Variants in EYA1 observed in about 807,000 individuals in gnomAD.
The protein encoded by EYA1 is EYA transcriptional coactivator and phosphatase 1.
Under a neutral mutation model 82.0 loss-of-function variants are expected in EYA1, and 16 were observed. The observed-to-expected ratio is 0.20, with a 90% CI of 0.13 to 0.30. EYA1 has a LOEUF of 0.30. Ranked by LOEUF, EYA1 falls within the 10% of genes least tolerant of loss-of-function variation. The pLI is 1.00. For missense variants in EYA1, 633 were observed against 730.7 expected, an observed-to-expected ratio of 0.87 and a Z score of 1.54; for synonymous variants, 261 against 264.4, an observed-to-expected ratio of 0.99 and a Z score of 0.12.
At chr8:71,228,711 G>C (rs569908134) in intron 12 of EYA1, among the ~76,000 whole-genome samples, 47 of 152,160 alleles carry the variant, frequency 3.1e-4, no homozygotes, top group African/African-American at 9.6e-4. Flanking sequence ...AACTAATAAG[G>C]ACTGAACACC....
chr8:71,390,109 T>C (rs1439914649), intron 2 of EYA1, among the ~76,000 whole-genome samples: 2 of 152,168 alleles, frequency 1.3e-5, no homozygotes, highest in African/African-American at 4.8e-5. Flanking sequence ...ATCTTCCTTA[T>C]ATTCCTGAAT....
chr8:71,494,022 C>CAAAAAAAAAAAA lies in EYA1; in HGVS notation c.33+41710_33+41721dup, dbSNP rs34340467. On this transcript the variant is annotated intron_variant, in intron 2 of 18. Transcript: ENST00000643681. ...TGGGCGACAGAGCGAGACTCCGTCT[C>CAAAAAAAAAAAA]AAAAAAAAAAAAAAAAAAAAAAAGA... Among the ~76,000 whole-genome samples the CAAAAAAAAAAAA allele has an allele frequency of 8.3e-3, 348 of 41,834 alleles. 21 individuals carry two copies. The highest frequency in any genetic ancestry group is 0.015 in the African/African-American group (221 of 14,852). 27.4% of individuals were successfully genotyped at this position (41,834 alleles called of 152,430 possible). A position where few individuals can be genotyped will look rare whatever the true frequency, so the allele number is the denominator to read the frequency against.
At chr8:71,530,081 T>C (rs566450003) in intron 2 of EYA1, 3 of 152,306 alleles carry the variant, frequency 2.0e-5, no homozygotes, top group Admixed American at 1.3e-4. Context: ...TGTGACTTTA[T>C]TTGGAAATAG....
intron 2 of EYA1, among the ~76,000 whole-genome samples, chr8:71,489,704 C>T (rs1159844759): frequency 6.6e-6 from 1 of 152,150 alleles, no homozygotes; most frequent in African/African-American, 2.4e-5. Flanking sequence ...ATTTTTAATC[C>T]ATGAAAGAAC....
chr8:71,540,894 T>C (rs2129291247), intron 1 of EYA1, among the ~76,000 whole-genome samples: 1 of 152,292 alleles, frequency 6.6e-6, no homozygotes, highest in South Asian at 2.1e-4. Flanking sequence ...TATTCTGAAA[T>C]AAGTCCCCAG....
intron 9 of EYA1, among the ~76,000 whole-genome samples, chr8:71,294,576 A>G (rs748807182): frequency 4.6e-5 from 7 of 152,234 alleles, no homozygotes; most frequent in Non-Finnish European, 1.0e-4. Flanking sequence ...GAGAAAAACT[A>G]TAAAAGAAAT....
At chr8:71,491,223 G>A (rs1586821601) in intron 2 of EYA1, among the ~76,000 whole-genome samples, 1 of 152,022 alleles carries the variant, frequency 6.6e-6, no homozygotes, top group Non-Finnish European at 1.5e-5. Context: ...AATACTTTCT[G>A]CATTTCATTG....
chr8:71,322,889 G>C (rs983871425), intron 4 of EYA1, among the ~76,000 whole-genome samples: 1 of 151,956 alleles, frequency 6.6e-6, no homozygotes, highest in Non-Finnish European at 1.5e-5. Context: ...GTCTTCCTTT[G>C]CCTTTTAGTT....
At chr8:71,392,592 T>G (rs956913910) in intron 2 of EYA1, among the ~76,000 whole-genome samples, 6 of 152,208 alleles carry the variant, frequency 3.9e-5, no homozygotes, top group African/African-American at 1.4e-4. Flanking sequence ...TGGCTGTCAC[T>G]GGAAATTTTA....
At chr8:71,540,732 T>C (rs1339222583) in intron 1 of EYA1, among the ~76,000 whole-genome samples, 3 of 152,176 alleles carry the variant, frequency 2.0e-5, no homozygotes, top group Non-Finnish European at 4.4e-5. Flanking sequence ...ATACTGGAAA[T>C]AACTTGTGGC....
intron 2 of EYA1, among the ~76,000 whole-genome samples, chr8:71,374,902 C>T (rs1324160643): frequency 6.6e-6 from 1 of 152,122 alleles, no homozygotes; most frequent in Non-Finnish European, 1.5e-5. Context: ...AGAAAGATAA[C>T]TACTGCATGA....
At chr8:71,218,417 A>C (rs1809476104) in intron 12 of EYA1, among the ~76,000 whole-genome samples, 1 of 152,176 alleles carries the variant, frequency 6.6e-6, no homozygotes, top group African/African-American at 2.4e-5. Flanking sequence ...AACTCAAACC[A>C]GCTGTTCCTT....
At chr8:71,390,952 A>T (rs1015356792) in intron 2 of EYA1, among the ~76,000 whole-genome samples, 7 of 151,992 alleles carry the variant, frequency 4.6e-5, no homozygotes, top group African/African-American at 1.7e-4. Context: ...TGTATTTTTC[A>T]ATATAAAATT....
At chr8:71,455,557 A>C (rs985123723) in intron 2 of EYA1, among the ~76,000 whole-genome samples, 3 of 152,240 alleles carry the variant, frequency 2.0e-5, no homozygotes, top group African/African-American at 7.2e-5. Flanking sequence ...AGGCTTATCC[A>C]CGATGATCAA....
intron 1 of EYA1, among the ~76,000 whole-genome samples, chr8:71,546,012 C>T (rs547087302): frequency 6.6e-6 from 1 of 152,288 alleles, no homozygotes; most frequent in Admixed American, 6.5e-5. Flanking sequence ...CCTGTTCAAA[C>T]CTAGCCCCAG....
At chr8:71,432,188 T>C (rs779580569) in intron 2 of EYA1, among the ~76,000 whole-genome samples, 1 of 152,196 alleles carries the variant, frequency 6.6e-6, no homozygotes, top group Non-Finnish European at 1.5e-5. Context: ...TTCTGTTCTG[T>C]TTTGCTTATT....
At chr8:71,289,488 T>A (rs1317517081) in intron 9 of EYA1, among the ~76,000 whole-genome samples, 2 of 152,242 alleles carry the variant, frequency 1.3e-5, no homozygotes, top group Non-Finnish European at 2.9e-5. Flanking sequence ...AGATGTTTAC[T>A]ACGCAGCTAC....
chr8:71,307,321 T>C (rs1466020869), intron 7 of EYA1, among the ~76,000 whole-genome samples: 6 of 152,188 alleles, frequency 3.9e-5, no homozygotes, highest in African/African-American at 1.4e-4. Context: ...TTTTATTTTT[T>C]AGAGACAATG....
At chr8:71,452,340 G>C (rs1807458987) in intron 2 of EYA1, among the ~76,000 whole-genome samples, 1 of 152,336 alleles carries the variant, frequency 6.6e-6, no homozygotes, top group Admixed American at 6.5e-5. Context: ...TCCACCTCTG[G>C]GGGCAGGGCA....
Sources: allele counts gnomAD v4.1 joint callset (sites outside exome capture counted in the v4.1 genomes callset), GRCh38; gene constraint gnomAD v4.1.1; transcripts MANE v1.5; gene names NCBI Gene and HGNC (gene_info 2026-07-23, HGNC 2026-07-21).